Variants in CELF2 observed in about 807,000 individuals in gnomAD.
CELF2 encodes CUGBP Elav-like family member 2, also known as CUG triplet repeat RNA-binding protein 2.
A neutral mutation model predicts 62.6 loss-of-function variants in CELF2; 8 were observed. The observed-to-expected ratio is 0.13, with a 90% CI of 0.07 to 0.23. The LOEUF (loss-of-function observed/expected upper bound fraction) is 0.23. Ranked by LOEUF, CELF2 falls within the 10% of genes least tolerant of loss-of-function variation. The pLI is 1.00. For synonymous variants in CELF2, 258 were observed against 250.0 expected (o/e 1.03, Z -0.30); for missense variants, 333 against 671.0 (o/e 0.50, Z 5.56).
At position 11,329,135 on chromosome 10, in the gene CELF2, C is replaced by A. The variant is rs74971998; in HGVS notation, c.*82C>A. ...AGCCAGCCTGTCTCAACAGGGAAGG[C>A]AGAGGAGGACCACATTGCCAACTTT... On this transcript the variant is annotated 3_prime_UTR_variant, in exon 13 of 13. Transcript: ENST00000633077. The surrounding 1 kb of genome is among the most constrained non-coding windows in gnomAD (Gnocchi z 5.5). 1 of 1,421,056 alleles carries A rather than the reference C, an allele frequency of 7.0e-7. No homozygotes were observed. Among genetic ancestry groups the A allele is most frequent in the Non-Finnish European group, 9.4e-7 (1 of 1,059,924 alleles). The allele number at this position is 1,421,056 out of a possible 1,614,324, so 88.0% of individuals were successfully genotyped here.
chr10:10,666,038 G>A, the CELF2 span, among the ~76,000 whole-genome samples: 1 of 152,202 alleles, frequency 6.6e-6, no homozygotes, highest in Non-Finnish European at 1.5e-5. Context: ...GCAAAGCAGA[G>A]AAAATCCTTC....
At chr10:10,510,775 T>C in the CELF2 span, among the ~76,000 whole-genome samples, 42 of 152,330 alleles carry the variant, frequency 2.8e-4, no homozygotes, top group East Asian at 6.0e-3. Flanking sequence ...TGATGGACTC[T>C]TCTGGATGAC....
the CELF2 span, among the ~76,000 whole-genome samples, chr10:10,617,513 G>A: frequency 4.6e-5 from 7 of 152,272 alleles, no homozygotes; most frequent in African/African-American, 1.7e-4. Flanking sequence ...GGATTGGAAA[G>A]AGGCAGGCTT....
At chr10:11,202,927 CTCTCTCTCTCTCTCTCTCTCTCTCTGTG>C (rs1156423188) in intron 2 of CELF2, among the ~76,000 whole-genome samples, 1 of 88,508 alleles carries the variant, frequency 1.1e-5, no homozygotes, top group African/African-American at 4.2e-5. Flanking sequence ...CTCTCTCTCT[CTCTCTCTCTCTCTCTCTCTCTCTCTGTG>C]TGTGTGTGTG....
intron 1 of CELF2, among the ~76,000 whole-genome samples, chr10:10,909,089 C>T (rs551524635): frequency 7.2e-5 from 11 of 152,310 alleles, no homozygotes; most frequent in East Asian, 1.9e-4. Flanking sequence ...CATGCCTGGC[C>T]GCTGGTGCAT....
chr10:11,158,987 T>C (rs1341929354), intron 1 of CELF2, among the ~76,000 whole-genome samples: 1 of 152,232 alleles, frequency 6.6e-6, no homozygotes, highest in Non-Finnish European at 1.5e-5. Context: ...CTGAACCTTT[T>C]CTTCAGAGGA....
At chr10:10,485,767 T>C in the CELF2 span, among the ~76,000 whole-genome samples, 4 of 152,298 alleles carry the variant, frequency 2.6e-5, no homozygotes, top group African/African-American at 9.6e-5. Flanking sequence ...GATTTAACTG[T>C]CTCTATCCTA....
chr10:11,048,039 C>T (rs1282412724), intron 1 of CELF2, among the ~76,000 whole-genome samples: 1 of 152,110 alleles, frequency 6.6e-6, no homozygotes, highest in Non-Finnish European at 1.5e-5. Flanking sequence ...AGAATTGTTC[C>T]CTGCCAGTTT....
At chr10:10,549,541 C>T in the CELF2 span, among the ~76,000 whole-genome samples, 1 of 152,238 alleles carries the variant, frequency 6.6e-6, no homozygotes, top group Non-Finnish European at 1.5e-5. Context: ...GCCTTGGCCT[C>T]ACAATGTGCT....
At chr10:10,596,463 C>T in the CELF2 span, among the ~76,000 whole-genome samples, 3 of 152,184 alleles carry the variant, frequency 2.0e-5, no homozygotes, top group Non-Finnish European at 4.4e-5. Context: ...GGGCTTGGAT[C>T]TGCTTTGCCA....
chr10:11,027,842 A>G (rs2059476866), intron 1 of CELF2, among the ~76,000 whole-genome samples: 1 of 152,204 alleles, frequency 6.6e-6, no homozygotes, highest in Non-Finnish European at 1.5e-5. Flanking sequence ...AATAAGGACA[A>G]TAAAATACGC....
intron 1 of CELF2, among the ~76,000 whole-genome samples, chr10:10,886,882 T>C (rs1160346683): frequency 6.6e-6 from 1 of 152,058 alleles, no homozygotes; most frequent in African/African-American, 2.4e-5. Flanking sequence ...CTGACATTAT[T>C]TATAAGCTGT....
intron 7 of CELF2, among the ~76,000 whole-genome samples, chr10:11,271,226 A>T (rs1266160605): frequency 6.6e-6 from 1 of 152,366 alleles, no homozygotes; most frequent in East Asian, 1.9e-4. Context: ...GGCTCTTCGC[A>T]GTGGAACCAG....
At chr10:10,836,311 AG>A (rs1265868189) in intron 1 of CELF2, among the ~76,000 whole-genome samples, 1 of 152,180 alleles carries the variant, frequency 6.6e-6, no homozygotes, top group Non-Finnish European at 1.5e-5. Context: ...TGGAGAGAGA[AG>A]GGGAAGATCC....
chr10:11,031,567 G>A (rs150264577), intron 1 of CELF2, among the ~76,000 whole-genome samples: 28 of 152,302 alleles, frequency 1.8e-4, no homozygotes, highest in Admixed American at 5.9e-4. Flanking sequence ...TTAGCTTGTC[G>A]AAATGCCTTT....
At chr10:10,554,161 G>T in the CELF2 span, among the ~76,000 whole-genome samples, 1 of 152,052 alleles carries the variant, frequency 6.6e-6, no homozygotes, top group African/African-American at 2.4e-5. Flanking sequence ...AAAGTCAACA[G>T]GATTCAGCAA....
At chr10:11,291,447 C>T (rs1157895556) in intron 9 of CELF2, among the ~76,000 whole-genome samples, 2 of 151,888 alleles carry the variant, frequency 1.3e-5, no homozygotes, top group African/African-American at 2.4e-5. Flanking sequence ...TGTCTCATGG[C>T]CTTGAAATAA....
intron 2 of CELF2, among the ~76,000 whole-genome samples, chr10:10,939,449 A>T (rs2046803353): frequency 6.6e-6 from 1 of 151,840 alleles, no homozygotes; most frequent in African/African-American, 2.4e-5. Context: ...CCACGCCATG[A>T]TAATTTTTGT....
At chr10:11,064,739 T>C (rs2067645557) in intron 1 of CELF2, among the ~76,000 whole-genome samples, 1 of 152,122 alleles carries the variant, frequency 6.6e-6, no homozygotes, top group South Asian at 2.1e-4. Context: ...AAAAGGCACA[T>C]TCAATTAGGG....
Sources: gnomAD v4.1 joint callset for allele counts (sites outside exome capture counted in the v4.1 genomes callset) on GRCh38, gnomAD v4.1.1 for gene constraint, Gnocchi (gnomAD v3.1) non-coding constraint, MANE v1.5 for transcripts, NCBI Gene and HGNC (gene_info 2026-07-23, HGNC 2026-07-21) for gene names.